Variants in SEMA5A observed in about 807,000 individuals in gnomAD.
SEMA5A encodes semaphorin 5A.
Under a neutral mutation model 135.5 loss-of-function variants are expected in SEMA5A, and 55 were observed. The observed-to-expected ratio is 0.41, with a 90% confidence interval of 0.33 to 0.51. The LOEUF (loss-of-function observed/expected upper bound fraction) is 0.51. Among genes scored for constraint, SEMA5A ranks in the 20% least tolerant of loss-of-function variants. SEMA5A has a pLI of 0.37. For synonymous variants in SEMA5A, 580 were observed against 546.5 expected (o/e 1.06, Z -0.85); for missense variants, 1,290 against 1,419.9 (o/e 0.91, Z 1.47).
chr5:9,196,165 C>A (rs141687225), intron 10 of SEMA5A, among the ~76,000 whole-genome samples: 1 of 152,328 alleles, frequency 6.6e-6, no homozygotes, highest in Non-Finnish European at 1.5e-5. Flanking sequence ...TGTCAGAAGG[C>A]CCTCCAGGGA....
intron 22 of SEMA5A, chr5:9,043,377 G>A (rs567496000): frequency 4.3e-4 from 84 of 195,736 alleles, no homozygotes; most frequent in African/African-American, 1.7e-3. Context: ...AACTAAATTC[G>A]TATTCATATA....
intron 1 of SEMA5A, among the ~76,000 whole-genome samples, chr5:9,469,082 C>A (rs551305302): frequency 1.3e-5 from 2 of 152,150 alleles, no homozygotes; most frequent in Non-Finnish European, 2.9e-5. Flanking sequence ...AATCTCGGCT[C>A]ACTGCAACCT....
intron 5 of SEMA5A, among the ~76,000 whole-genome samples, chr5:9,303,318 G>C (rs753513383): frequency 6.6e-6 from 1 of 151,880 alleles, no homozygotes; most frequent in African/African-American, 2.4e-5. Context: ...GGGTTTCACC[G>C]TGTTAGCCAG....
chr5:9,538,597 A>C (rs1221263839), intron 1 of SEMA5A, among the ~76,000 whole-genome samples: 1 of 152,246 alleles, frequency 6.6e-6, no homozygotes, highest in Admixed American at 6.5e-5. Context: ...TTGGCAGAGA[A>C]GCATACTCTA....
At chr5:9,401,049 G>C (rs936692577) in intron 2 of SEMA5A, among the ~76,000 whole-genome samples, 3 of 152,090 alleles carry the variant, frequency 2.0e-5, no homozygotes, top group Non-Finnish European at 4.4e-5. Context: ...AACCCTGAGA[G>C]ACTAGGTACA....
intron 3 of SEMA5A, among the ~76,000 whole-genome samples, chr5:9,347,326 C>G (rs905722516): frequency 2.6e-5 from 4 of 152,198 alleles, no homozygotes; most frequent in African/African-American, 7.2e-5. Flanking sequence ...CCATTTCTCA[C>G]ATGTTCATTG....
At chr5:9,314,980 A>C (rs1328839505) in intron 5 of SEMA5A, among the ~76,000 whole-genome samples, 1 of 152,198 alleles carries the variant, frequency 6.6e-6, no homozygotes, top group Non-Finnish European at 1.5e-5. Flanking sequence ...CATCAATCCC[A>C]TCAATAATTG....
chr5:9,082,619 TAGAA>T (rs1413259544), intron 16 of SEMA5A, among the ~76,000 whole-genome samples: 1 of 152,188 alleles, frequency 6.6e-6, no homozygotes, highest in Non-Finnish European at 1.5e-5. Context: ...TAAAATGGGA[TAGAA>T]AGAAAGTCAT....
intron 4 of SEMA5A, among the ~76,000 whole-genome samples, chr5:9,325,840 C>G (rs891773057): frequency 6.6e-6 from 1 of 152,008 alleles, no homozygotes; most frequent in African/African-American, 2.4e-5. Context: ...ATTACAAGTT[C>G]CTATTGAACG....
intron 5 of SEMA5A, among the ~76,000 whole-genome samples, chr5:9,307,055 G>C (rs1326453834): frequency 6.6e-6 from 1 of 152,152 alleles, no homozygotes; most frequent in African/African-American, 2.4e-5. Context: ...TGGGCAACTT[G>C]CCTCTGCGAT....
chr5:9,072,012 T>C (rs1737793714), intron 16 of SEMA5A, among the ~76,000 whole-genome samples: 1 of 152,234 alleles, frequency 6.6e-6, no homozygotes, highest in South Asian at 2.1e-4. Flanking sequence ...AGTTTAGTTG[T>C]ACCCAGTAAG....
chr5:9,221,376 T>G lies in SEMA5A; in HGVS notation c.646+3298A>C, dbSNP rs40674. On this transcript the variant is annotated intron_variant, in intron 8 of 22. Coordinates refer to ENST00000382496, the MANE Select transcript of SEMA5A (RefSeq NM_003966.3). ...GGAGTGCAGTGGCGCGATCTCGGCTTACTGCAAGCTCCGCCTCCCGGGTTC... is the reference window on the plus strand; with the variant it reads ...GGAGTGCAGTGGCGCGATCTCGGCTGACTGCAAGCTCCGCCTCCCGGGTTC... 1.7e-4 allele frequency among the ~76,000 whole-genome samples: 24 copies of G among 143,162 alleles called. 1 individual carries two copies. The highest frequency in any genetic ancestry group is 5.3e-4 in the African/African-American group (21 of 39,594). The allele number at this position is 143,162 out of a possible 152,430, so 93.9% of individuals were successfully genotyped here.
chr5:9,514,611 C>A (rs189196050), intron 1 of SEMA5A, among the ~76,000 whole-genome samples: 19 of 152,244 alleles, frequency 1.2e-4, no homozygotes, highest in African/African-American at 3.9e-4. Context: ...ATCCCTAATA[C>A]AATATAAATG....
Position 9,379,976 on chromosome 5 carries a change from C to A in SEMA5A, c.-30G>T, listed in dbSNP as rs367727492. 1.9e-6 allele frequency: 3 copies of A among 1,592,046 alleles called. No homozygotes were observed. The Admixed American group carries it at 5.3e-5, about 28-fold the overall frequency. On this transcript the variant is annotated 5_prime_UTR_variant, in exon 3 of 23. Coordinates refer to ENST00000382496, the MANE Select transcript of SEMA5A (RefSeq NM_003966.3). ...GGCAAGGGGCCTCTGACTCTGGGCA[C>A]GTGTCTTCTAAACAGAAGCTCTTCT... is the stretch of plus-strand genomic sequence containing the variant.
At chr5:9,242,982 C>T (rs140799242) in intron 5 of SEMA5A, among the ~76,000 whole-genome samples, 97 of 152,288 alleles carry the variant, frequency 6.4e-4, no homozygotes, top group African/African-American at 2.3e-3. Context: ...TTTTCTTTCA[C>T]ATAATAACAC....
chr5:9,533,421 A>G (rs1737567716), intron 1 of SEMA5A, among the ~76,000 whole-genome samples: 1 of 152,224 alleles, frequency 6.6e-6, no homozygotes, highest in African/African-American at 2.4e-5. Flanking sequence ...CATACATAGT[A>G]AAAGATTGTA....
At chr5:9,474,728 C>A (rs1428179986) in intron 1 of SEMA5A, among the ~76,000 whole-genome samples, 4 of 152,148 alleles carry the variant, frequency 2.6e-5, no homozygotes, top group African/African-American at 9.7e-5. Context: ...AAACTTACTG[C>A]CACCTACATG....
intron 13 of SEMA5A, among the ~76,000 whole-genome samples, chr5:9,133,784 C>CT (rs35633508): frequency 0.016 from 2,298 of 142,722 alleles, 46 homozygotes; most frequent in East Asian, 0.05. Context: ...TTCTTTCTTT[C>CT]TTTTTTTTTT....
intron 2 of SEMA5A, among the ~76,000 whole-genome samples, chr5:9,381,402 G>C (rs913974612): frequency 6.6e-5 from 10 of 152,192 alleles, no homozygotes; most frequent in Non-Finnish European, 1.2e-4. Context: ...TTGAGAGCTG[G>C]ATCTATGTTC....
Sources: gnomAD v4.1 joint callset for allele counts (sites outside exome capture counted in the v4.1 genomes callset) on GRCh38, gnomAD v4.1.1 for gene constraint, MANE v1.5 for transcripts, NCBI Gene and HGNC (gene_info 2026-07-23, HGNC 2026-07-21) for gene names.